The following ZNF710 variants were observed in gnomAD, a reference collection of about 807,000 sequenced individuals.
ZNF710 encodes the protein zinc finger protein 710.
In ZNF710, 13 loss-of-function variants were observed where a neutral mutation model predicts 50.6. The ratio of observed to expected loss-of-function variants is 0.26; its 90% CI spans 0.17 to 0.41. ZNF710 has a LOEUF of 0.41. Ranked by LOEUF, ZNF710 falls within the 10% of genes least tolerant of loss-of-function variation. The probability of loss-of-function intolerance (pLI) is 1.00; values close to 1 mark genes in which losing one functional copy is unlikely to be tolerated. For missense variants in ZNF710, 721 were observed against 936.6 expected, an observed-to-expected ratio of 0.77 and a Z score of 3.01; for synonymous variants, 383 against 397.0, an observed-to-expected ratio of 0.96 and a Z score of 0.42.
chr15:90,015,292 C>T (rs189551245), intron 1 of ZNF710, among the ~76,000 whole-genome samples: 6 of 152,274 alleles, frequency 3.9e-5, no homozygotes, highest in Admixed American at 2.0e-4. Context: ...AAGAGAAACA[C>T]AAGTTTTCTG....
chr15:90,070,438 G>A (rs184560523), intron 2 of ZNF710, among the ~76,000 whole-genome samples: 22 of 151,878 alleles, frequency 1.4e-4, no homozygotes, highest in African/African-American at 5.3e-4. Context: ...TTGGGAGGCT[G>A]AGGCAGGAGA....
At chr15:90,010,330 C>T (rs1194876401) in intron 1 of ZNF710, among the ~76,000 whole-genome samples, 6 of 152,318 alleles carry the variant, frequency 3.9e-5, no homozygotes, top group Admixed American at 3.9e-4. Flanking sequence ...CACTCTGTCA[C>T]CTCGGCTGGA....
At position 90,023,208 on chromosome 15, in the gene ZNF710, T is replaced by C. The variant is rs144491903; in HGVS notation, c.-29+21594T>C. Among the ~76,000 whole-genome samples, 4 of 152,246 alleles carry C rather than the reference T, an allele frequency of 2.6e-5. No individual in the cohort carries two copies. The East Asian group carries it at 7.7e-4, about 29-fold the overall frequency. ...GAGTCCAAAGCTCACACTCCATCCA[T>C]TGAACCACTCTGCCACCCAGCTCCT... On this transcript the variant is annotated intron_variant, in intron 1 of 4. Transcript: ENST00000268154.
chr15:90,015,595 C>A (rs1345058694), intron 1 of ZNF710, among the ~76,000 whole-genome samples: 2 of 136,830 alleles, frequency 1.5e-5, no homozygotes, highest in Admixed American at 1.5e-4. Context: ...CAATGCAATT[C>A]TTTTTTTTTT....
At position 90,073,995 on chromosome 15, in the gene ZNF710, AAAAAC is replaced by A. The variant is rs1474105278; in HGVS notation, c.1651-116_1651-112del. 2.4e-4 allele frequency: 279 copies of A among 1,149,674 alleles called. 1 individual carries two copies. In the East Asian group the frequency reaches 3.1e-3, roughly 13 times the overall value. 71.2% of individuals were successfully genotyped at this position (1,149,674 alleles called of 1,614,324 possible). The stretch of plus-strand genomic sequence containing the variant: ...ACAGAGTGAGAGTCTGTCTCAAAAA[AAAAAC>A]AAAAAAAAAAAACAAAAGAATAGGA... On this transcript the variant is annotated intron_variant, in intron 3 of 4. Coordinates refer to ENST00000268154, the MANE Select transcript of ZNF710 (RefSeq NM_198526.4).
chr15:90,030,997 C>A (rs373415461), intron 1 of ZNF710, among the ~76,000 whole-genome samples: 1,343 of 120,970 alleles, frequency 0.011, 25 homozygotes, highest in African/African-American at 0.043. Flanking sequence ...CCAGCCTGGG[C>A]GACAGAGCGA....
At chr15:90,029,610 A>T (rs1011352322) in intron 1 of ZNF710, among the ~76,000 whole-genome samples, 2 of 151,912 alleles carry the variant, frequency 1.3e-5, no homozygotes, top group African/African-American at 2.4e-5. Context: ...CTACAAAAAA[A>T]TTTTTTGTTC....
At chr15:90,014,437 G>T (rs969701891) in intron 1 of ZNF710, among the ~76,000 whole-genome samples, 2 of 151,092 alleles carry the variant, frequency 1.3e-5, no homozygotes, top group African/African-American at 2.4e-5. Context: ...AGCTACACTA[G>T]AGGCTGAGGT....
chr15:90,071,376 T>C (rs1900377583), intron 2 of ZNF710, among the ~76,000 whole-genome samples: 2 of 151,938 alleles, frequency 1.3e-5, no homozygotes, highest in South Asian at 4.1e-4. Flanking sequence ...CCTAAATTTG[T>C]ACAATGTGCA....
At chr15:90,019,015 TA>T (rs1258455183) in intron 1 of ZNF710, among the ~76,000 whole-genome samples, 1 of 151,688 alleles carries the variant, frequency 6.6e-6, no homozygotes, top group Non-Finnish European at 1.5e-5. Flanking sequence ...TTTTTCTTGC[TA>T]CAAAGAGGTT....
chr15:90,021,330 G>A (rs909924681), intron 1 of ZNF710, among the ~76,000 whole-genome samples: 3 of 152,172 alleles, frequency 2.0e-5, no homozygotes, highest in African/African-American at 4.8e-5. Flanking sequence ...TTTCAGCCTC[G>A]GCTCACCATC....
chr15:89,999,798 G>A (rs1401417945), upstream of ZNF710, among the ~76,000 whole-genome samples: 1 of 152,096 alleles, frequency 6.6e-6, no homozygotes, highest in Non-Finnish European at 1.5e-5. Flanking sequence ...ATGGGGCTCA[G>A]CATCTGCTCC....
chr15:90,073,410 G>A (rs1038210828), intron 3 of ZNF710, 148 bp downstream of exon 3: 6 of 895,846 alleles, frequency 6.7e-6, no homozygotes, highest in Admixed American at 2.7e-5. Flanking sequence ...CTGGGCTTTG[G>A]GGGTTGGGAG....
Position 90,059,362 on chromosome 15 carries a change from C to T in ZNF710, c.-28-7748C>T, listed in dbSNP as rs146422740. On this transcript the variant is annotated intron_variant, in intron 1 of 4. Coordinates refer to ENST00000268154, the MANE Select transcript of ZNF710 (RefSeq NM_198526.4). The surrounding 1 kb of genome is among the most constrained non-coding windows in gnomAD (Gnocchi z 4.1). ...CAAAAGGCTGTGGGGGCTGCGGGGC[C>T]GGAGACCTGCATTCTAGCCCTTGCT... Among the ~76,000 whole-genome samples the T allele has an allele frequency of 3.3e-5, 5 of 152,346 alleles. No homozygotes were observed. Among genetic ancestry groups the T allele is most frequent in the East Asian group, 1.9e-4 (1 of 5,186 alleles).
chr15:90,024,551 A>G (rs903187174), intron 1 of ZNF710, among the ~76,000 whole-genome samples: 1 of 152,230 alleles, frequency 6.6e-6, no homozygotes, highest in African/African-American at 2.4e-5. Context: ...TGTGTGGGGA[A>G]GGGAGCGCAG....
At chr15:90,027,714 T>A (rs1898819931) in intron 1 of ZNF710, among the ~76,000 whole-genome samples, 1 of 151,854 alleles carries the variant, frequency 6.6e-6, no homozygotes, top group Admixed American at 6.6e-5. Flanking sequence ...TAGCTGGATG[T>A]GGTGGTGTGT....
At position 90,018,864 on chromosome 15, in the gene ZNF710, T is replaced by C. The variant is rs574617675; in HGVS notation, c.-29+17250T>C. 6.7e-5 allele frequency among the ~76,000 whole-genome samples: 10 copies of C among 149,904 alleles called. No individual in the cohort carries two copies. In the South Asian group the frequency reaches 1.1e-3, roughly 16 times the overall value. On this transcript the variant is annotated intron_variant, in intron 1 of 4. Transcript: ENST00000268154. ...ATTCTTAAATATTCTTAGGTGGATTTAAGATGTCTCTGTCTAGTGGTTTTT... is the reference window on the plus strand; with the variant it reads ...ATTCTTAAATATTCTTAGGTGGATTCAAGATGTCTCTGTCTAGTGGTTTTT...
At chr15:90,057,838 A>T (rs1899872226) in intron 1 of ZNF710, among the ~76,000 whole-genome samples, 1 of 152,088 alleles carries the variant, frequency 6.6e-6, no homozygotes, top group Non-Finnish European at 1.5e-5. Context: ...TGGCATTCTG[A>T]TCAAACGATA....
intron 1 of ZNF710, among the ~76,000 whole-genome samples, chr15:90,009,896 C>G (rs1193670203): frequency 1.3e-5 from 2 of 152,116 alleles, no homozygotes; most frequent in African/African-American, 2.4e-5. Context: ...AGTGGCCCAT[C>G]TTGTGTGACT....
Sources: gnomAD v4.1 joint callset for allele counts (sites outside exome capture counted in the v4.1 genomes callset) on GRCh38, gnomAD v4.1.1 for gene constraint, Gnocchi (gnomAD v3.1) non-coding constraint, MANE v1.5 for transcripts, NCBI Gene and HGNC (gene_info 2026-07-23, HGNC 2026-07-21) for gene names.